The following CDH20 variants were observed in gnomAD, a reference collection of about 807,000 sequenced individuals.
CDH20 encodes cadherin 20.
CDH20 carries 29 observed loss-of-function variants against 74.2 expected under a neutral mutation model. The ratio of observed to expected loss-of-function variants is 0.39; its 90% CI spans 0.29 to 0.53. The LOEUF is 0.53. Ranked by LOEUF, CDH20 falls within the 20% of genes least tolerant of loss-of-function variation. CDH20 has a pLI of 0.69. For synonymous variants in CDH20, 469 were observed against 405.4 expected, an observed-to-expected ratio of 1.16 and a Z score of -1.88; for missense variants, 988 against 1,048.3, an observed-to-expected ratio of 0.94 and a Z score of 0.79.
intron 6 of CDH20, among the ~76,000 whole-genome samples, chr18:61,518,010 CA>C (rs1381861529): frequency 2.6e-5 from 4 of 152,114 alleles, no homozygotes; most frequent in African/African-American, 9.7e-5. Flanking sequence ...CCATGAAGTT[CA>C]AACTGGGCAG....
intron 1 of CDH20, among the ~76,000 whole-genome samples, chr18:61,343,551 A>G (rs1862673907): frequency 6.6e-6 from 1 of 152,078 alleles, no homozygotes; most frequent in Non-Finnish European, 1.5e-5. Flanking sequence ...AACCTGCTTT[A>G]CTTTCTCTTG....
chr18:61,362,956 A>C (rs1440809232), intron 1 of CDH20, among the ~76,000 whole-genome samples: 1 of 152,300 alleles, frequency 6.6e-6, no homozygotes, highest in South Asian at 2.1e-4. Context: ...CCTCCACAGA[A>C]GATAAAGCCT....
intron 6 of CDH20, among the ~76,000 whole-genome samples, chr18:61,520,176 C>T (rs1469976252): frequency 6.7e-6 from 1 of 150,332 alleles, no homozygotes; most frequent in East Asian, 1.9e-4. Flanking sequence ...ATTAGCCAGG[C>T]GTGGTGGTGG....
intron 1 of CDH20, among the ~76,000 whole-genome samples, chr18:61,432,743 G>A (rs992628725): frequency 2.6e-5 from 4 of 152,030 alleles, no homozygotes; most frequent in East Asian, 3.9e-4. Context: ...CCCTCCTCTC[G>A]CCTTCCTCCT....
intron 1 of CDH20, among the ~76,000 whole-genome samples, chr18:61,481,699 T>C (rs1169149245): frequency 2.0e-5 from 3 of 152,176 alleles, no homozygotes; most frequent in Admixed American, 6.5e-5. Context: ...ATTAGTATCA[T>C]ATTAATTTTT....
chr18:61,418,574 A>AG (rs1912776149), intron 1 of CDH20, among the ~76,000 whole-genome samples: 1 of 151,072 alleles, frequency 6.6e-6, no homozygotes, highest in African/African-American at 2.4e-5. Flanking sequence ...AAAAAAAAAA[A>AG]AAGCTTCCTT....
In CDH20 at chr18:61,488,409, T is replaced by C. The variant is rs1171050929; in HGVS notation, c.-152-1993T>C. On this transcript the variant is annotated intron_variant, in intron 1 of 11. Transcript: ENST00000262717. The stretch of plus-strand genomic sequence containing the variant: ...ATTTTTACATATGACCCAGGTACTT[T>C]ATCTGACTGTTCAAATGTCGGTTGG... Among the ~76,000 whole-genome samples, 5 of 152,324 alleles carry C rather than the reference T, an allele frequency of 3.3e-5. No individual in the cohort carries two copies. In the East Asian group the frequency reaches 5.8e-4, roughly 18 times the overall value.
intron 6 of CDH20, among the ~76,000 whole-genome samples, chr18:61,522,972 A>C (rs2144361217): frequency 6.6e-6 from 1 of 152,322 alleles, no homozygotes; most frequent in South Asian, 2.1e-4. Context: ...CTAGAAGAAA[A>C]CTTAGGCAAT....
intron 1 of CDH20, among the ~76,000 whole-genome samples, chr18:61,471,576 G>A (rs1568153057): frequency 6.6e-6 from 1 of 152,142 alleles, no homozygotes; most frequent in Non-Finnish European, 1.5e-5. Flanking sequence ...TTCAATGGAT[G>A]AATCATTAGA....
At chr18:61,419,061 C>G (rs1343147833) in intron 1 of CDH20, among the ~76,000 whole-genome samples, 1 of 152,014 alleles carries the variant, frequency 6.6e-6, no homozygotes, top group East Asian at 1.9e-4. Flanking sequence ...TTATGATACG[C>G]CCTTAGGGTA....
chr18:61,555,127 A>G lies in CDH20; in HGVS notation c.*432A>G. 1.0e-6 allele frequency: 1 copy of G among 998,756 alleles called. No homozygotes were observed. The highest frequency in any genetic ancestry group is 4.6e-5 in the South Asian group (1 of 21,892). 61.9% of individuals were successfully genotyped at this position (998,756 alleles called of 1,614,324 possible). On this transcript the variant is annotated 3_prime_UTR_variant, in exon 12 of 12. Transcript: ENST00000262717. ...TATCTTATCTTATTCTCCATTTAAG[A>G]GTTTTGCTGGCTCAAACCACAGAAA... is the stretch of plus-strand genomic sequence containing the variant.
At chr18:61,347,559 C>CACACAAAA (rs201617116) in intron 1 of CDH20, among the ~76,000 whole-genome samples, 35 of 151,330 alleles carry the variant, frequency 2.3e-4, no homozygotes, top group Admixed American at 2.0e-3. Flanking sequence ...ACCACACACA[C>CACACAAAA]ACACAAAAAC....
chr18:61,551,864 A>G (rs1234374161), intron 11 of CDH20, among the ~76,000 whole-genome samples: 3 of 152,216 alleles, frequency 2.0e-5, no homozygotes, highest in African/African-American at 7.2e-5. Flanking sequence ...ATCATTACAG[A>G]AATACTGATT....
chr18:61,404,336 C>A (rs569590396), intron 1 of CDH20, among the ~76,000 whole-genome samples: 1 of 152,198 alleles, frequency 6.6e-6, no homozygotes, highest in South Asian at 2.1e-4. Flanking sequence ...AACAGATAGG[C>A]GTATTTTGTC....
intron 1 of CDH20, among the ~76,000 whole-genome samples, chr18:61,384,049 C>T (rs1278852457): frequency 1.3e-5 from 2 of 152,168 alleles, no homozygotes; most frequent in African/African-American, 2.4e-5. Context: ...AACAAATCTG[C>T]TTATTCCTGT....
intron 7 of CDH20, among the ~76,000 whole-genome samples, chr18:61,533,999 C>T (rs1449667002): frequency 6.6e-6 from 1 of 152,002 alleles, no homozygotes; most frequent in Non-Finnish European, 1.5e-5. Flanking sequence ...GTTTTAATTC[C>T]AGCTGTTATA....
chr18:61,477,414 C>T (rs1474171337), intron 1 of CDH20, among the ~76,000 whole-genome samples: 1 of 152,126 alleles, frequency 6.6e-6, no homozygotes, highest in Non-Finnish European at 1.5e-5. Context: ...TGAAGTATTT[C>T]TATAGAATAG....
rs765312357 is a variant in CDH20 at position 61,490,687 on chromosome 18, C to T, written c.134C>T (p.Ala45Val). ...DTPTPQGELE[A>V]LLSDKPQSHQ... is the part of the protein sequence containing the mutation. Reference sequence around the variant, plus strand: ...CCAACACCACAAGGTGAATTAGAAGCACTCCTGTCAGACAAGCCACAGTCA... The same window carrying T: ...CCAACACCACAAGGTGAATTAGAAGTACTCCTGTCAGACAAGCCACAGTCA... Residue 45 changes from alanine to valine, a missense_variant, in exon 2 of 12, where the codon GCA (alanine) becomes GTA (valine). Ala to Val is a moderately conservative substitution (Grantham distance 64, BLOSUM62 0). Transcript: ENST00000262717. 1.2e-6 allele frequency: 2 copies of T among 1,614,110 alleles called. No homozygotes were observed. Among genetic ancestry groups the T allele is most frequent in the Non-Finnish European group, 1.7e-6 (2 of 1,180,028 alleles).
intron 1 of CDH20, among the ~76,000 whole-genome samples, chr18:61,435,582 C>T (rs900759674): frequency 1.4e-4 from 21 of 151,862 alleles, no homozygotes; most frequent in Admixed American, 1.4e-3. Flanking sequence ...CCAGGAAATG[C>T]AGGAGGGATG....
Sources: gnomAD v4.1 joint callset for allele counts (sites outside exome capture counted in the v4.1 genomes callset) on GRCh38, gnomAD v4.1.1 for gene constraint, MANE v1.5 for transcripts, NCBI Gene and HGNC (gene_info 2026-07-23, HGNC 2026-07-21) for gene names.